Variants in ARHGAP15 observed in about 807,000 individuals in gnomAD.
ARHGAP15 encodes the protein rho GTPase-activating protein 15.
Under a neutral mutation model 63.7 loss-of-function variants are expected in ARHGAP15, and 51 were observed. The observed-to-expected ratio is 0.80, with a 90% CI of 0.64 to 1.01. The LOEUF is 1.01. ARHGAP15 is among the 50% of genes least tolerant of loss of function. The pLI, the probability that ARHGAP15 is intolerant of heterozygous loss-of-function variation, is 0.00. For synonymous variants in ARHGAP15, 191 were observed against 193.8 expected (o/e 0.99, Z 0.12); for missense variants, 560 against 564.6 (o/e 0.99, Z 0.08).
chr2:143,428,964 A>AC (rs910875529), intron 6 of ARHGAP15, among the ~76,000 whole-genome samples: 2 of 151,374 alleles, frequency 1.3e-5, no homozygotes, highest in Non-Finnish European at 2.9e-5. Context: ...AGACAAGTAC[A>AC]CCCCCCCAGT....
intron 2 of ARHGAP15, among the ~76,000 whole-genome samples, chr2:143,157,516 G>A (rs184991018): frequency 4.2e-4 from 64 of 151,420 alleles, no homozygotes; most frequent in Middle Eastern, 3.4e-3. Flanking sequence ...TTTTGTTTCC[G>A]CATTCTTAGC....
chr2:143,717,925 T>C (rs1243384129), intron 13 of ARHGAP15, among the ~76,000 whole-genome samples: 1 of 151,760 alleles, frequency 6.6e-6, no homozygotes, highest in African/African-American at 2.4e-5. Flanking sequence ...TTATGGATAA[T>C]TGTTAAGAAC....
chr2:143,505,030 G>T (rs1261230858), intron 9 of ARHGAP15, among the ~76,000 whole-genome samples: 1 of 152,206 alleles, frequency 6.6e-6, no homozygotes, highest in Non-Finnish European at 1.5e-5. Flanking sequence ...CACAAGGTGA[G>T]AGAGTAGCTT....
chr2:143,700,587 G>A (rs1025550722), intron 12 of ARHGAP15, among the ~76,000 whole-genome samples: 2 of 151,996 alleles, frequency 1.3e-5, no homozygotes, highest in Non-Finnish European at 1.5e-5. Flanking sequence ...CATACTGATT[G>A]CTTGCACCTA....
At chr2:143,275,825 G>A (rs1238764109) in intron 6 of ARHGAP15, among the ~76,000 whole-genome samples, 1 of 152,142 alleles carries the variant, frequency 6.6e-6, no homozygotes, top group Non-Finnish European at 1.5e-5. Context: ...TAACACCACT[G>A]TTCATTTGTT....
intron 6 of ARHGAP15, among the ~76,000 whole-genome samples, chr2:143,364,773 T>A (rs1338549924): frequency 6.6e-6 from 1 of 152,094 alleles, no homozygotes; most frequent in Admixed American, 6.5e-5. Context: ...AGGCCTGTAA[T>A]TCCCAGCACT....
chr2:143,340,451 G>C (rs1015815907), intron 6 of ARHGAP15, among the ~76,000 whole-genome samples: 26 of 151,768 alleles, frequency 1.7e-4, no homozygotes, highest in Admixed American at 5.9e-4. Flanking sequence ...GGTTTTCTCT[G>C]TCTTAGTGAT....
chr2:143,194,143 A>C (rs1466445298), intron 2 of ARHGAP15, among the ~76,000 whole-genome samples: 1 of 152,146 alleles, frequency 6.6e-6, no homozygotes, highest in African/African-American at 2.4e-5. Context: ...TAACATTCAG[A>C]TCCTTAATTA....
intron 13 of ARHGAP15, among the ~76,000 whole-genome samples, chr2:143,738,258 A>AT (rs5834968): frequency 0.29 from 44,231 of 151,688 alleles, 7,344 homozygotes; most frequent in Non-Finnish European, 0.38. Flanking sequence ...AGGAAGTTAA[A>AT]TTTTTTTTTA....
intron 6 of ARHGAP15, among the ~76,000 whole-genome samples, chr2:143,330,111 A>T (rs1207615267): frequency 0.01 from 864 of 85,976 alleles, 102 homozygotes; most frequent in African/African-American, 0.034. Flanking sequence ...AAAAAAAAAA[A>T]AAAAAAAAAA....
intron 6 of ARHGAP15, among the ~76,000 whole-genome samples, chr2:143,258,767 TC>T (rs1326753520): frequency 6.6e-6 from 1 of 152,132 alleles, no homozygotes; most frequent in African/African-American, 2.4e-5. Flanking sequence ...GGAGAGGTGT[TC>T]ACATGGAGGG....
At chr2:143,500,889 T>G (rs1559012685) in intron 9 of ARHGAP15, among the ~76,000 whole-genome samples, 2 of 152,192 alleles carry the variant, frequency 1.3e-5, no homozygotes, top group Admixed American at 6.5e-5. Flanking sequence ...AATTTTGTAA[T>G]GATTTTTTAA....
chr2:143,650,564 A>T (rs1681111611), intron 12 of ARHGAP15, among the ~76,000 whole-genome samples: 1 of 151,924 alleles, frequency 6.6e-6, no homozygotes, highest in Admixed American at 6.6e-5. Context: ...TGGGTACTGC[A>T]CCCACTAAGT....
chr2:143,736,131 C>G lies in ARHGAP15; in HGVS notation c.1245-31858C>G, dbSNP rs538862400. On this transcript the variant is annotated intron_variant, in intron 13 of 13. Transcript: ENST00000295095. Reference sequence around the variant, plus strand: ...CAGTGGCTCACGTCTGTAATCCTAGCACTTTGGGAGGCCGAGGTGGGTATC... The same window carrying G: ...CAGTGGCTCACGTCTGTAATCCTAGGACTTTGGGAGGCCGAGGTGGGTATC... Among the ~76,000 whole-genome samples, 444 of 152,248 alleles carry G rather than the reference C, an allele frequency of 2.9e-3. 6 individuals carry two copies. The highest frequency in any genetic ancestry group is 4.4e-3 in the Non-Finnish European group (298 of 68,000).
chr2:143,273,182 A>G (rs1235013905), intron 6 of ARHGAP15, among the ~76,000 whole-genome samples: 1 of 152,160 alleles, frequency 6.6e-6, no homozygotes, highest in African/African-American at 2.4e-5. Flanking sequence ...ATTTCTGCTT[A>G]AAATATTGCT....
chr2:143,258,223 A>G (rs7604168), intron 6 of ARHGAP15, among the ~76,000 whole-genome samples: 1 of 151,816 alleles, frequency 6.6e-6, no homozygotes, highest in Non-Finnish European at 1.5e-5. Context: ...AAGGTAATGA[A>G]GCTGGATCTG....
At chr2:143,490,631 A>AT (rs1692545215) in intron 9 of ARHGAP15, among the ~76,000 whole-genome samples, 1 of 150,884 alleles carries the variant, frequency 6.6e-6, no homozygotes, top group Non-Finnish European at 1.5e-5. Context: ...TTGTTTGTTT[A>AT]TTTTTTTGAG....
At chr2:143,458,926 T>G (rs879277029) in intron 8 of ARHGAP15, among the ~76,000 whole-genome samples, 7 of 152,162 alleles carry the variant, frequency 4.6e-5, no homozygotes, top group Non-Finnish European at 1.0e-4. Context: ...ATGTAGCTGT[T>G]TGGTACATGA....
intron 4 of ARHGAP15, among the ~76,000 whole-genome samples, chr2:143,226,852 G>A (rs1693231598): frequency 2.0e-5 from 3 of 152,122 alleles, no homozygotes; most frequent in Admixed American, 2.0e-4. Flanking sequence ...AGGCATATAA[G>A]AGCAACCTAA....
Sources: gnomAD v4.1 joint callset for allele counts (sites outside exome capture counted in the v4.1 genomes callset) on GRCh38, gnomAD v4.1.1 for gene constraint, MANE v1.5 for transcripts, NCBI Gene and HGNC (gene_info 2026-07-23, HGNC 2026-07-21) for gene names.